GSE1: variants seen among roughly 807,000 people sequenced by gnomAD.
GSE1 encodes the protein genetic suppressor element 1.
In GSE1, 32 loss-of-function variants were observed where a neutral mutation model predicts 112.6. The ratio of observed to expected loss-of-function variants is 0.28; its 90% CI spans 0.21 to 0.38. The LOEUF (loss-of-function observed/expected upper bound fraction) is 0.38. GSE1 is among the 10% of genes least tolerant of loss of function. The pLI, the probability that GSE1 is intolerant of heterozygous loss-of-function variation, is 1.00. For missense variants in GSE1, 2,348 were observed against 1,699.2 expected (o/e 1.38, Z -6.71); for synonymous variants, 1,115 against 735.6 (o/e 1.52, Z -8.35).
chr16:85,501,408 T>TA (rs2051362425), intron 2 of GSE1, among the ~76,000 whole-genome samples: 3 of 147,450 alleles, frequency 2.0e-5, no homozygotes, highest in African/African-American at 7.6e-5. Flanking sequence ...TTTTTTTTTT[T>TA]AGGGGATGGA....
chr16:85,502,461 A>T (rs4074054), intron 2 of GSE1, among the ~76,000 whole-genome samples: 21 of 151,932 alleles, frequency 1.4e-4, no homozygotes, highest in African/African-American at 4.6e-4. Flanking sequence ...CTCAGCAGGG[A>T]GCAGTCTGGT....
rs1369408617 is a variant in GSE1 at position 85,661,339 on chromosome 16, T to C, written c.1834T>C (p.Phe612Leu). Residue 612 changes from phenylalanine (F) to leucine (L), a missense_variant, in exon 9 of 16, where the codon TTT (phenylalanine) becomes CTT (leucine). Transcript: ENST00000253458. Reference sequence around the variant, plus strand: ...CTCTCTGCACAGCCACCCGGCTGCATTTGAGCCCAGCCGCCAGGCAGCCGT... The same window carrying C: ...CTCTCTGCACAGCCACCCGGCTGCACTTGAGCCCAGCCGCCAGGCAGCCGT... ...SHSLHSHPAAFEPSRQAAVPL... is the reference protein window; with the variant it reads ...SHSLHSHPAALEPSRQAAVPL... 6.2e-7 allele frequency: 1 copy of C among 1,611,960 alleles called. No homozygotes were observed. Among genetic ancestry groups the C allele is most frequent in the Non-Finnish European group, 8.5e-7 (1 of 1,179,520 alleles).
At chr16:85,422,255 G>A (rs940394008) in intron 2 of GSE1, among the ~76,000 whole-genome samples, 7 of 152,158 alleles carry the variant, frequency 4.6e-5, no homozygotes, top group South Asian at 2.1e-4. Context: ...TGACATTATC[G>A]GCATGAATAA....
In GSE1 at chr16:85,311,842, C is replaced by T. The variant is rs537985455; in HGVS notation, c.2284-45621C>T. On this transcript the variant is annotated intron_variant, in intron 1 of 2. Transcript: ENST00000637419. This position sits in a 1 kb window ranked among gnomAD's most constrained non-coding sequence, Gnocchi z 4.2. ...CCACTGTCTGACCTGTGGCCCCAGCCGCGAGTCCTTCTCACCCCAGACCCC... is the reference window on the plus strand; with the variant it reads ...CCACTGTCTGACCTGTGGCCCCAGCTGCGAGTCCTTCTCACCCCAGACCCC... Among the ~76,000 whole-genome samples the T allele has an allele frequency of 1.2e-3, 184 of 152,282 alleles. 1 individual carries two copies. The highest frequency in any genetic ancestry group is 3.2e-3 in the African/African-American group (131 of 41,568).
Position 85,661,566 on chromosome 16 carries a change from C to T in GSE1, c.2061C>T (p.Gly687=). The change falls in exon 9 of 16, where the codon GGC becomes GGT. Residue 687 remains glycine (G), a synonymous_variant. Coordinates refer to ENST00000253458, the MANE Select transcript of GSE1 (RefSeq NM_014615.5). ...ELEKSTQTIL[G]QQRASLPQAA... ...AGAAGTCCACCCAGACCATCCTGGG[C>T]CAGCAGCGGGCCTCCCTCCCACAGG... 1 of 1,611,086 alleles carries T rather than the reference C, an allele frequency of 6.2e-7. No individual in the cohort carries two copies. The highest frequency in any genetic ancestry group is 8.5e-7 in the Non-Finnish European group (1 of 1,179,342).
At chr16:85,182,762 G>A (rs1451784188) in intron 1 of GSE1, among the ~76,000 whole-genome samples, 1 of 152,118 alleles carries the variant, frequency 6.6e-6, no homozygotes, top group Admixed American at 6.5e-5. Flanking sequence ...AGCCGCCTGC[G>A]TGGGAGGGAC....
chr16:85,575,172 A>AGG (rs1567606457), intron 1 of GSE1, among the ~76,000 whole-genome samples: 1 of 152,152 alleles, frequency 6.6e-6, no homozygotes, highest in Non-Finnish European at 1.5e-5. Flanking sequence ...CAGTTTGAAG[A>AGG]AATACTGGCA....
rs374874642 is a variant in GSE1 at position 85,442,972 on chromosome 16, C to T, written c.2464+85329C>T. 4.4e-4 allele frequency among the ~76,000 whole-genome samples: 67 copies of T among 152,302 alleles called. 1 individual carries two copies. In the South Asian group the frequency reaches 0.011, roughly 25 times the overall value. ...AGCTAGTGGCTGCATCACCCTGACCCCTGGCTCCGTCCGCCCATGGCGTCC... is the reference window on the plus strand; with the variant it reads ...AGCTAGTGGCTGCATCACCCTGACCTCTGGCTCCGTCCGCCCATGGCGTCC... On this transcript the variant is annotated intron_variant, in intron 2 of 2. Transcript: ENST00000637419.
intron 1 of GSE1, among the ~76,000 whole-genome samples, chr16:85,210,054 A>G (rs942780173): frequency 9.2e-5 from 14 of 152,238 alleles, no homozygotes; most frequent in Admixed American, 6.5e-5. Flanking sequence ...TACCAAAAAG[A>G]TGGTCAGACT....
In GSE1 at chr16:85,657,861, C is replaced by T. The variant is rs533206024; in HGVS notation, c.1640+257C>T. On this transcript the variant is annotated intron_variant, in intron 8 of 15. Transcript: ENST00000253458. ...ATCAAGTCCATGTTGAGAGCCAGGG[C>T]ACTGCACACGCAGCCTGACCTAGTT... is the stretch of plus-strand genomic sequence containing the variant. Among the ~76,000 whole-genome samples, 7 of 152,298 alleles carry T rather than the reference C, an allele frequency of 4.6e-5. No individual in the cohort carries two copies. The South Asian group carries it at 1.5e-3, about 32-fold the overall frequency.
chr16:85,447,347 C>T (rs1362923824), intron 2 of GSE1, among the ~76,000 whole-genome samples: 1 of 152,216 alleles, frequency 6.6e-6, no homozygotes, highest in Admixed American at 6.5e-5. Context: ...CACGTGGTGG[C>T]CAGGAGCTGG....
At chr16:85,327,603 AG>A (rs2046252802) in intron 1 of GSE1, among the ~76,000 whole-genome samples, 1 of 152,154 alleles carries the variant, frequency 6.6e-6, no homozygotes, top group African/African-American at 2.4e-5. Context: ...ACTCTGTCTC[AG>A]AAAAACAAAA....
chr16:85,339,258 A>G (rs1486048333), intron 1 of GSE1, among the ~76,000 whole-genome samples: 1 of 152,134 alleles, frequency 6.6e-6, no homozygotes, highest in Non-Finnish European at 1.5e-5. Flanking sequence ...CTGGGCGTGG[A>G]TGCCAAGCTG....
intron 2 of GSE1, among the ~76,000 whole-genome samples, chr16:85,462,789 G>A (rs1173085340): frequency 7.0e-6 from 1 of 143,356 alleles, no homozygotes; most frequent in African/African-American, 2.5e-5. Flanking sequence ...CACGGCTGGC[G>A]GTGCGTGAAG....
chr16:85,503,315 G>A (rs2051431613), intron 2 of GSE1, among the ~76,000 whole-genome samples: 1 of 152,214 alleles, frequency 6.6e-6, no homozygotes, highest in Non-Finnish European at 1.5e-5. Flanking sequence ...GCAGCCCCCA[G>A]GAGGGAAGGG....
chr16:85,354,618 T>C (rs1417351663), intron 1 of GSE1, among the ~76,000 whole-genome samples: 3 of 152,166 alleles, frequency 2.0e-5, no homozygotes, highest in Admixed American at 2.0e-4. Flanking sequence ...GACCAGGAGG[T>C]GGACAGGGGT....
intron 2 of GSE1, among the ~76,000 whole-genome samples, chr16:85,398,923 AGT>A (rs999354361): frequency 3.9e-5 from 6 of 152,136 alleles, no homozygotes; most frequent in African/African-American, 7.2e-5. Flanking sequence ...ATGCATGTCG[AGT>A]GTGTATCCAC....
chr16:85,637,985 A>G (rs532673942), intron 2 of GSE1, among the ~76,000 whole-genome samples: 1 of 152,260 alleles, frequency 6.6e-6, no homozygotes, highest in East Asian at 1.9e-4. Context: ...GAGGTGGCAG[A>G]GCTGGCGCAC....
chr16:85,603,462 C>G (rs1301515864), intron 1 of GSE1, among the ~76,000 whole-genome samples: 3 of 152,204 alleles, frequency 2.0e-5, no homozygotes, highest in African/African-American at 7.2e-5. Context: ...TGCCCTGCAT[C>G]TGGCCTCTCC....
Sources: gnomAD v4.1 joint callset for allele counts (sites outside exome capture counted in the v4.1 genomes callset) on GRCh38, gnomAD v4.1.1 for gene constraint, Gnocchi (gnomAD v3.1) non-coding constraint, MANE v1.5 for transcripts, NCBI Gene and HGNC (gene_info 2026-07-23, HGNC 2026-07-21) for gene names.